TNNI3K: variants seen among roughly 807,000 people sequenced by gnomAD.
TNNI3K encodes serine/threonine-protein kinase TNNI3K.
TNNI3K carries 140 observed loss-of-function variants against 114.5 expected under a neutral mutation model. The ratio of observed to expected loss-of-function variants is 1.22; its 90% confidence interval spans 1.07 to 1.41. The LOEUF is 1.41. Among genes scored for constraint, TNNI3K ranks in the 40% most tolerant of loss-of-function variants. TNNI3K has a pLI of 0.00. For synonymous variants in TNNI3K, 347 were observed against 347.5 expected (o/e 1.00, Z 0.02); for missense variants, 1,125 against 1,007.6 (o/e 1.12, Z -1.58).
chr1:74,349,419 C>G (rs76283854), intron 9 of TNNI3K, among the ~76,000 whole-genome samples: 90,334 of 151,856 alleles, frequency 0.59, 30,425 homozygotes, highest in East Asian at 0.82. Context: ...CAAGGATATT[C>G]GTCTAAAATT....
chr1:74,343,733 C>T (rs1377591692), intron 9 of TNNI3K, among the ~76,000 whole-genome samples: 4 of 152,006 alleles, frequency 2.6e-5, no homozygotes, highest in Non-Finnish European at 2.9e-5. Flanking sequence ...GAGCCCTTTA[C>T]GGTGTGCTCT....
In TNNI3K at chr1:74,444,666, G is replaced by A. The variant is rs200944128; in HGVS notation, c.2011+5044G>A. On this transcript the variant is annotated intron_variant, in intron 20 of 24. Coordinates refer to ENST00000326637, the MANE Select transcript of TNNI3K (RefSeq NM_015978.3). ...TAAGTAACTATTGACGTTCTTCACA[G>A]AATTAGAAAAAAAATTTAAATTCAT... 2.6e-5 allele frequency among the ~76,000 whole-genome samples: 4 copies of A among 151,938 alleles called. No homozygotes were observed. In the East Asian group the frequency reaches 7.7e-4, roughly 29 times the overall value.
At chr1:74,239,081 T>C (rs1326111894) in intron 2 of TNNI3K, among the ~76,000 whole-genome samples, 1 of 152,062 alleles carries the variant, frequency 6.6e-6, no homozygotes, top group African/African-American at 2.4e-5. Context: ...TGAGGTGATA[T>C]TAGTGAAGGG....
Position 74,343,140 on chromosome 1 carries a change from T to G in TNNI3K, c.893T>G (p.Leu298Arg). 1 of 1,613,156 alleles carries G rather than the reference T, an allele frequency of 6.2e-7. No individual in the cohort carries two copies. Among genetic ancestry groups the G allele is most frequent in the Non-Finnish European group, 8.5e-7 (1 of 1,179,664 alleles). The change falls in exon 9 of 25, where the codon CTG (leucine) becomes CGG (arginine). Residue 298 changes from leucine to arginine, a missense_variant. Coordinates refer to ENST00000326637, the MANE Select transcript of TNNI3K (RefSeq NM_015978.3). ...ATCCAAATATCAGGAACAGAAAGTC[T>G]GACTAAGGAAAACATCTTCAGTGAA... ...EIIQISGTES[L>R]TKENIFSETA...
intron 4 of TNNI3K, among the ~76,000 whole-genome samples, chr1:74,271,001 A>G (rs2100893056): frequency 6.6e-6 from 1 of 151,922 alleles, no homozygotes; most frequent in South Asian, 2.1e-4. Context: ...AGGCTCAAAT[A>G]ATAGTTCTAA....
chr1:74,275,628 G>T (rs748311030), intron 5 of TNNI3K, among the ~76,000 whole-genome samples: 1 of 152,008 alleles, frequency 6.6e-6, no homozygotes, highest in Non-Finnish European at 1.5e-5. Context: ...CCCAAAAATA[G>T]GAAGGAAAGA....
At chr1:74,295,605 T>A (rs1657931743) in intron 5 of TNNI3K, among the ~76,000 whole-genome samples, 1 of 152,156 alleles carries the variant, frequency 6.6e-6, no homozygotes, top group South Asian at 2.1e-4. Flanking sequence ...AAAATGTCCC[T>A]TTTCATCTTT....
intron 5 of TNNI3K, among the ~76,000 whole-genome samples, chr1:74,285,529 G>GT (rs58077835): frequency 0.98 from 149,493 of 152,126 alleles, 73,510 homozygotes; most frequent in East Asian, 1. Context: ...CAACCACAAT[G>GT]TTTTTTTGTA....
At chr1:74,335,734 C>G (rs1660429034) in intron 6 of TNNI3K, among the ~76,000 whole-genome samples, 1 of 152,114 alleles carries the variant, frequency 6.6e-6, no homozygotes, top group South Asian at 2.1e-4. Flanking sequence ...ACCCTGTGAA[C>G]TTCAGTTTGT....
At chr1:74,528,407 A>G (rs1464739926) in intron 23 of TNNI3K, among the ~76,000 whole-genome samples, 1 of 152,118 alleles carries the variant, frequency 6.6e-6, no homozygotes, top group Non-Finnish European at 1.5e-5. Context: ...GGTAGGTGTC[A>G]GAACACATGA....
intron 11 of TNNI3K, among the ~76,000 whole-genome samples, chr1:74,362,670 A>G (rs1035389170): frequency 3.9e-5 from 6 of 152,138 alleles, no homozygotes; most frequent in African/African-American, 9.7e-5. Flanking sequence ...TCTTTGTAAC[A>G]GTCTCTTGGA....
chr1:74,407,310 T>C (rs1664662818), intron 17 of TNNI3K, among the ~76,000 whole-genome samples: 1 of 152,130 alleles, frequency 6.6e-6, no homozygotes, highest in Non-Finnish European at 1.5e-5. Context: ...TAAAATCTTT[T>C]ATCTTGGTTG....
chr1:74,252,750 C>G (rs562701894), intron 4 of TNNI3K, among the ~76,000 whole-genome samples: 2 of 152,002 alleles, frequency 1.3e-5, no homozygotes, highest in Non-Finnish European at 2.9e-5. Context: ...TTCGTGGTCT[C>G]GCTGGCTTCA....
intron 17 of TNNI3K, chr1:74,372,748 T>C (rs777402482): frequency 6.6e-6 from 1 of 151,840 alleles, no homozygotes; most frequent in South Asian, 2.1e-4. Flanking sequence ...AACTCTTCAT[T>C]TGTGGGGCCA....
intron 17 of TNNI3K, among the ~76,000 whole-genome samples, chr1:74,429,754 G>C (rs954784264): frequency 6.6e-6 from 1 of 152,154 alleles, no homozygotes; most frequent in African/African-American, 2.4e-5. Context: ...TTCACAGTGT[G>C]ATGAGATTGA....
At chr1:74,420,567 T>A (rs574979791) in intron 17 of TNNI3K, among the ~76,000 whole-genome samples, 11 of 152,130 alleles carry the variant, frequency 7.2e-5, no homozygotes, top group Non-Finnish European at 8.8e-5. Context: ...TCCTACACTT[T>A]TACTTTATCA....
chr1:74,527,043 G>C (rs114645118), intron 23 of TNNI3K, among the ~76,000 whole-genome samples: 1 of 152,152 alleles, frequency 6.6e-6, no homozygotes, highest in Admixed American at 6.6e-5. Flanking sequence ...ATCCCTGCCT[G>C]CTCTAAAAGC....
At chr1:74,486,123 C>G (rs1292921451) in intron 21 of TNNI3K, among the ~76,000 whole-genome samples, 1 of 151,444 alleles carries the variant, frequency 6.6e-6, no homozygotes, top group Admixed American at 6.6e-5. Context: ...TCCTCTGTTC[C>G]TTCAAACAAG....
At chr1:74,317,332 G>C (rs1185610425) in intron 5 of TNNI3K, among the ~76,000 whole-genome samples, 2 of 152,198 alleles carry the variant, frequency 1.3e-5, no homozygotes, top group Admixed American at 1.3e-4. Context: ...AGCTGTAGTA[G>C]TAACAATTAC....
Sources: gnomAD v4.1 joint callset for allele counts (sites outside exome capture counted in the v4.1 genomes callset) on GRCh38, gnomAD v4.1.1 for gene constraint, MANE v1.5 for transcripts, NCBI Gene and HGNC (gene_info 2026-07-23, HGNC 2026-07-21) for gene names.